Variants in DNAH9 observed in about 807,000 individuals in gnomAD.
DNAH9 encodes the protein DNAH9 variant protein.
Under a neutral mutation model 471.6 loss-of-function variants are expected in DNAH9, and 345 were observed. That is an observed-to-expected ratio of 0.73 (90% CI 0.67 to 0.80). The LOEUF is 0.80. Among genes scored for constraint, DNAH9 ranks in the 30% least tolerant of loss-of-function variants. DNAH9 has a pLI of 0.00. For synonymous variants in DNAH9, 2,093 were observed against 2,123.6 expected (o/e 0.99, Z 0.40); for missense variants, 5,407 against 5,609.2 (o/e 0.96, Z 1.15).
intron 17 of DNAH9, 64 bp downstream of exon 17, chr17:11,669,858 C>T (rs1439781737): frequency 7.2e-7 from 1 of 1,383,840 alleles, no homozygotes; most frequent in South Asian, 1.3e-5. Context: ...TGTTTTTAAA[C>T]CTTTTTTATA....
intron 28 of DNAH9, among the ~76,000 whole-genome samples, chr17:11,733,040 A>G (rs1302465379): frequency 1.3e-5 from 2 of 152,172 alleles, no homozygotes; most frequent in Admixed American, 6.5e-5. Flanking sequence ...GTCTAATGGG[A>G]AAAAAACCCA....
intron 49 of DNAH9, among the ~76,000 whole-genome samples, chr17:11,844,459 G>A (rs1370217356): frequency 1.3e-5 from 2 of 152,146 alleles, no homozygotes; most frequent in African/African-American, 4.8e-5. Flanking sequence ...AGGCTGGAGT[G>A]CAATGGAGCG....
intron 17 of DNAH9, among the ~76,000 whole-genome samples, chr17:11,671,399 G>A (rs1210369663): frequency 6.6e-6 from 1 of 152,038 alleles, no homozygotes; most frequent in African/African-American, 2.4e-5. Flanking sequence ...CGTCCATCAG[G>A]AAGCAGAGGG....
intron 8 of DNAH9, among the ~76,000 whole-genome samples, chr17:11,634,100 C>T (rs2150676474): frequency 6.6e-6 from 1 of 152,198 alleles, no homozygotes; most frequent in East Asian, 1.9e-4. Context: ...AGCAGCACTG[C>T]TTGTACCCAG....
intron 67 of DNAH9, among the ~76,000 whole-genome samples, chr17:11,945,727 T>C (rs2151436087): frequency 6.6e-6 from 1 of 151,224 alleles, no homozygotes; most frequent in East Asian, 2.0e-4. Flanking sequence ...GCACTAAAAG[T>C]GAGAATTGCA....
intron 35 of DNAH9, among the ~76,000 whole-genome samples, chr17:11,762,777 T>TGTTTTTG (rs1555584686): frequency 8.8e-6 from 1 of 113,060 alleles, no homozygotes; most frequent in Non-Finnish European, 1.7e-5. Flanking sequence ...TTTGTTTTTT[T>TGTTTTTG]TTTTTTTTTT....
rs1392028137 is a variant in DNAH9, at chr17:11,937,008, G to C, written c.12490-344G>C. Among the ~76,000 whole-genome samples, 2 of 152,184 alleles carry C rather than the reference G, an allele frequency of 1.3e-5. No individual in the cohort carries two copies. On this transcript the variant is annotated intron_variant, in intron 65 of 68. Coordinates refer to ENST00000262442, the MANE Select transcript of DNAH9 (RefSeq NM_001372.4). This position sits in a 1 kb window ranked among gnomAD's most constrained non-coding sequence, Gnocchi z 4.1. ...TCACTAGGGAGGGATTCGTATTTTT[G>C]AAAGACTATGAGAAGTCCTCCTCTG...
intron 13 of DNAH9, 150 bp downstream of exon 13, chr17:11,651,474 G>A (rs1371470601): frequency 3.8e-6 from 3 of 794,394 alleles, no homozygotes; most frequent in Non-Finnish European, 5.8e-6. Flanking sequence ...AGCAGAGAAG[G>A]CAAGAAGGGT....
At chr17:11,859,808 C>A (rs982776194) in intron 50 of DNAH9, among the ~76,000 whole-genome samples, 1 of 152,140 alleles carries the variant, frequency 6.6e-6, no homozygotes, top group Non-Finnish European at 1.5e-5. Flanking sequence ...CATTTACCAG[C>A]AAGGGAATGA....
chr17:11,951,612 C>CCTAT (rs1175150445), intron 67 of DNAH9, among the ~76,000 whole-genome samples: 1 of 151,350 alleles, frequency 6.6e-6, no homozygotes, highest in Non-Finnish European at 1.5e-5. Context: ...ATAGTGAGAC[C>CCTAT]CTATCTTGAG....
At chr17:11,701,084 C>T (rs1340713712) in intron 23 of DNAH9, 38 bp from the exon 24 acceptor site, 1 of 1,612,940 alleles carries the variant, frequency 6.2e-7, no homozygotes, top group South Asian at 1.1e-5. Flanking sequence ...ACCAAAACTT[C>T]TCAGGCACCC....
chr17:11,768,205 G>A (rs557247082), intron 36 of DNAH9, among the ~76,000 whole-genome samples: 1 of 152,306 alleles, frequency 6.6e-6, no homozygotes, highest in Admixed American at 6.5e-5. Flanking sequence ...GTAAGACATG[G>A]CAGGACCAGG....
intron 29 of DNAH9, among the ~76,000 whole-genome samples, chr17:11,740,506 CCCTCATGA>C (rs2075416500): frequency 6.6e-6 from 1 of 152,156 alleles, no homozygotes; most frequent in African/African-American, 2.4e-5. Flanking sequence ...TAGCGCTCCA[CCCTCATGA>C]CCTAATGACC....
intron 8 of DNAH9, among the ~76,000 whole-genome samples, chr17:11,634,893 C>T (rs1387367378): frequency 2.6e-5 from 4 of 152,004 alleles, no homozygotes; most frequent in Non-Finnish European, 4.4e-5. Flanking sequence ...AGAGCTTGCA[C>T]TCCCTCCAGG....
intron 28 of DNAH9, among the ~76,000 whole-genome samples, chr17:11,730,670 A>G (rs775572151): frequency 3.3e-5 from 5 of 152,194 alleles, no homozygotes; most frequent in Admixed American, 1.3e-4. Flanking sequence ...AATGAGTTAT[A>G]TCTCTAAAGC....
chr17:11,671,412 G>C (rs190135660), intron 17 of DNAH9, among the ~76,000 whole-genome samples: 2 of 152,156 alleles, frequency 1.3e-5, no homozygotes, highest in East Asian at 1.9e-4. Context: ...GCAGAGGGGG[G>C]GCAGAGAATA....
intron 43 of DNAH9, among the ~76,000 whole-genome samples, chr17:11,803,291 A>C (rs1969537059): frequency 6.6e-6 from 1 of 152,114 alleles, no homozygotes; most frequent in Non-Finnish European, 1.5e-5. Flanking sequence ...TTCTTCTCTT[A>C]GAATCACTTA....
At chr17:11,912,342 A>C (rs1415817461) in intron 61 of DNAH9, among the ~76,000 whole-genome samples, 1 of 152,130 alleles carries the variant, frequency 6.6e-6, no homozygotes, top group Non-Finnish European at 1.5e-5. Context: ...TTTCCAGTAC[A>C]CTGTTAGGTA....
intron 18 of DNAH9, 145 bp downstream of exon 18, chr17:11,680,124 T>G (rs1324876092): frequency 3.1e-6 from 2 of 650,370 alleles, no homozygotes; most frequent in Non-Finnish European, 5.2e-6. Context: ...GTAGCGTATT[T>G]GTAACATCTA....
Sources: allele counts gnomAD v4.1 joint callset (sites outside exome capture counted in the v4.1 genomes callset), GRCh38; gene constraint gnomAD v4.1.1; non-coding constraint Gnocchi (gnomAD v3.1); transcripts MANE v1.5; gene names NCBI Gene and HGNC (gene_info 2026-07-23, HGNC 2026-07-21).